BFSP2: variants seen among roughly 807,000 people sequenced by gnomAD.
BFSP2 encodes phakinin.
BFSP2 carries 38 observed loss-of-function variants against 44.9 expected under a neutral mutation model. The ratio of observed to expected loss-of-function variants is 0.85; its 90% confidence interval spans 0.65 to 1.11. The LOEUF (loss-of-function observed/expected upper bound fraction) is 1.11, where lower values mean the gene tolerates loss of function less well. Among genes scored for constraint, BFSP2 ranks in the 50% least tolerant of loss-of-function variants. The pLI, the probability that BFSP2 is intolerant of heterozygous loss-of-function variation, is 0.00. For synonymous variants in BFSP2, 197 were observed against 209.9 expected, an observed-to-expected ratio of 0.94 and a Z score of 0.53; for missense variants, 525 against 533.0, an observed-to-expected ratio of 0.99 and a Z score of 0.15.
intron 1 of BFSP2, among the ~76,000 whole-genome samples, chr3:133,437,573 GGAAGGAAA>G (rs1327361556): frequency 2.9e-5 from 4 of 138,276 alleles, no homozygotes; most frequent in African/African-American, 1.1e-4. Flanking sequence ...ACAAACGAAA[GGAAGGAAA>G]GAAGGAAGGA....
intron 1 of BFSP2, among the ~76,000 whole-genome samples, chr3:133,444,985 C>T (rs983824202): frequency 2.6e-5 from 4 of 152,116 alleles, no homozygotes; most frequent in Admixed American, 1.3e-4. Context: ...TCCATTGTGC[C>T]CAAGGCCTTC....
chr3:133,445,061 C>A (rs1054227155), intron 1 of BFSP2, among the ~76,000 whole-genome samples: 2 of 152,206 alleles, frequency 1.3e-5, no homozygotes, highest in African/African-American at 2.4e-5. Flanking sequence ...GGTTTCTCAA[C>A]AAACAGGACA....
Position 133,466,835 on chromosome 3 carries a change from C to T in BFSP2, c.899C>T (p.Ala300Val), listed in dbSNP as rs774937998. The stretch of plus-strand genomic sequence containing the variant: ...AGACCTGACTCTCCACAGCAACAGG[C>T]GGAGGTGGCCCACATGTCCCAGACC... Reference protein sequence around the residue: ...AGALLQAKQQAEVAHMSQTQE... With the variant: ...AGALLQAKQQVEVAHMSQTQE... The change falls in exon 5 of 7, where the codon GCG becomes GTG. Residue 300 changes from alanine (A) to valine (V), a missense_variant. Physicochemically the swap from Ala to Val is moderately conservative, Grantham distance 64 (BLOSUM62 0). Transcript: ENST00000302334. 19 of 1,613,546 alleles carry T rather than the reference C, an allele frequency of 1.2e-5. No individual in the cohort carries two copies. The highest frequency in any genetic ancestry group is 1.7e-4 in the Middle Eastern group (1 of 5,856).
At chr3:133,471,031 A>G (rs1040432751) in intron 5 of BFSP2, among the ~76,000 whole-genome samples, 1 of 151,940 alleles carries the variant, frequency 6.6e-6, no homozygotes, top group Non-Finnish European at 1.5e-5. Context: ...GACCAAATAA[A>G]CTCCAAGACT....
chr3:133,448,127 G>A (rs2073920724), intron 2 of BFSP2, among the ~76,000 whole-genome samples: 1 of 152,228 alleles, frequency 6.6e-6, no homozygotes, highest in African/African-American at 2.4e-5. Context: ...TTAGCAGGTT[G>A]TCAGTAATGT....
At chr3:133,416,008 C>T (rs1294677544) in intron 1 of BFSP2, among the ~76,000 whole-genome samples, 2 of 144,028 alleles carry the variant, frequency 1.4e-5, no homozygotes, top group Non-Finnish European at 3.1e-5. Context: ...CTTCTATTCA[C>T]CCCGTCCTCT....
chr3:133,463,263 C>T (rs1362772711), intron 4 of BFSP2, among the ~76,000 whole-genome samples: 1 of 152,018 alleles, frequency 6.6e-6, no homozygotes, highest in African/African-American at 2.4e-5. Flanking sequence ...GAGCTGAGAT[C>T]GCACCATCGC....
Position 133,450,423 on chromosome 3 carries a change from G to T in BFSP2, c.850G>T (p.Glu284Ter). 6.2e-7 allele frequency: 1 copy of T among 1,614,172 alleles called. No individual in the cohort carries two copies. The highest frequency in any genetic ancestry group is 8.5e-7 in the Non-Finnish European group (1 of 1,180,024). Residue 284 changes from glutamate (E) to a stop codon, truncating the protein, a stop_gained, in exon 4 of 7, where the codon GAA (glutamate) becomes TAA (stop). Coordinates refer to ENST00000302334, the MANE Select transcript of BFSP2 (RefSeq NM_003571.4). LOFTEE classifies it high-confidence loss of function. ...CAGAATTCAGTGGGAGAGAGATGTT[G>T]AAAAGAACCGGGTGGAGGCAGGAGC... Reference protein sequence around the residue: ...TIRIQWERDVEKNRVEAGALL... With the variant: ...TIRIQWERDV
At chr3:133,456,025 T>C (rs2074009859) in intron 4 of BFSP2, among the ~76,000 whole-genome samples, 1 of 152,204 alleles carries the variant, frequency 6.6e-6, no homozygotes, top group African/African-American at 2.4e-5. Flanking sequence ...CTGCAACTGG[T>C]TGATGTATAC....
chr3:133,456,581 C>T (rs553834495), intron 4 of BFSP2, among the ~76,000 whole-genome samples: 1 of 151,998 alleles, frequency 6.6e-6, no homozygotes, highest in African/African-American at 2.4e-5. Context: ...ACCCTGTCTC[C>T]ACAAAAATAC....
At chr3:133,403,098 C>T (rs1040059549) in intron 1 of BFSP2, among the ~76,000 whole-genome samples, 3 of 152,128 alleles carry the variant, frequency 2.0e-5, no homozygotes, top group African/African-American at 7.2e-5. Flanking sequence ...CCCACCAGGC[C>T]CCCACCCCTT....
At position 133,400,305 on chromosome 3, in the gene BFSP2, C is replaced by A; in HGVS notation, c.222C>A (p.Thr74=). The A allele has an allele frequency of 6.2e-7, 1 of 1,614,012 alleles. No individual in the cohort carries two copies. Among genetic ancestry groups the A allele is most frequent in the South Asian group, 1.1e-5 (1 of 91,082 alleles). The change falls in exon 1 of 7, where the codon ACC becomes ACA. Residue 74 remains threonine (T), a synonymous_variant. Transcript: ENST00000302334. The surrounding 1 kb of genome is among the most constrained non-coding windows in gnomAD (Gnocchi z 4.0). ...TAGGTGGCTTGGGTGCCCGTGTGACCCGCCGGGCCCTCGGCATCAGCAGTG... is the reference window on the plus strand; with the variant it reads ...TAGGTGGCTTGGGTGCCCGTGTGACACGCCGGGCCCTCGGCATCAGCAGTG... ...GCIGGLGARV[T]RRALGISSVF...
At chr3:133,447,709 A>G (rs751038824) in intron 2 of BFSP2, among the ~76,000 whole-genome samples, 2 of 152,134 alleles carry the variant, frequency 1.3e-5, no homozygotes, top group African/African-American at 4.8e-5. Flanking sequence ...TTCTGACTCA[A>G]TGGGTCTGGA....
intron 1 of BFSP2, among the ~76,000 whole-genome samples, chr3:133,442,425 G>A (rs542604554): frequency 6.6e-6 from 1 of 152,184 alleles, no homozygotes; most frequent in South Asian, 2.1e-4. Flanking sequence ...AAAGTGCTGG[G>A]CTTATAGGCG....
chr3:133,405,801 G>C (rs1295378719), intron 1 of BFSP2, among the ~76,000 whole-genome samples: 1 of 152,204 alleles, frequency 6.6e-6, no homozygotes, highest in African/African-American at 2.4e-5. Flanking sequence ...GTAGCTACCA[G>C]AGAAAAGTCC....
At chr3:133,434,757 AG>A (rs377300029) in intron 1 of BFSP2, among the ~76,000 whole-genome samples, 2 of 152,262 alleles carry the variant, frequency 1.3e-5, no homozygotes, top group African/African-American at 4.8e-5. Flanking sequence ...TGGCTCAAAA[AG>A]CTACCCCACT....
At chr3:133,473,602 G>A (rs1439030728) in intron 6 of BFSP2, among the ~76,000 whole-genome samples, 1 of 151,254 alleles carries the variant, frequency 6.6e-6, no homozygotes, top group East Asian at 1.9e-4. Flanking sequence ...AGAGGACCCT[G>A]CGGCCTTCCG....
chr3:133,443,037 T>G (rs2073860376), intron 1 of BFSP2, among the ~76,000 whole-genome samples: 1 of 151,996 alleles, frequency 6.6e-6, no homozygotes, highest in Non-Finnish European at 1.5e-5. Flanking sequence ...TTTTGTATTT[T>G]TAGTAGAGGC....
intron 4 of BFSP2, among the ~76,000 whole-genome samples, chr3:133,457,876 T>C (rs1456718941): frequency 6.6e-6 from 1 of 152,240 alleles, no homozygotes; most frequent in Admixed American, 6.5e-5. Flanking sequence ...CCCCAGAATT[T>C]GTTTAGCCTG....
Sources: gnomAD v4.1 joint callset for allele counts (sites outside exome capture counted in the v4.1 genomes callset) on GRCh38, gnomAD v4.1.1 for gene constraint, Gnocchi (gnomAD v3.1) non-coding constraint, MANE v1.5 for transcripts, NCBI Gene and HGNC (gene_info 2026-07-23, HGNC 2026-07-21) for gene names.